Variants in NR4A1 observed in about 807,000 individuals in gnomAD.
NR4A1 encodes the protein nuclear receptor subfamily 4 group A member 1, also known as nuclear receptor subfamily 4immunitygroup A member 1.
A neutral mutation model predicts 47.5 loss-of-function variants in NR4A1; 24 were observed. That is an observed-to-expected ratio of 0.50 (90% confidence interval 0.37 to 0.71). The LOEUF is 0.71. Among genes scored for constraint, NR4A1 ranks in the 30% least tolerant of loss-of-function variants. The pLI is 0.00. For missense variants in NR4A1, 669 were observed against 788.6 expected (o/e 0.85, Z 1.82); for synonymous variants, 353 against 345.7 (o/e 1.02, Z -0.24).
chr12:52,036,969 G>C (rs974300661), intron 1 of NR4A1, among the ~76,000 whole-genome samples: 1 of 152,226 alleles, frequency 6.6e-6, no homozygotes, highest in Non-Finnish European at 1.5e-5. Context: ...CTCTGGCCGC[G>C]GGTTATGTAA....
intron 6 of NR4A1, 133 bp downstream of exon 6, chr12:52,057,663 C>A: frequency 1.0e-6 from 1 of 962,588 alleles, no homozygotes; most frequent in Non-Finnish European, 1.5e-6. Context: ...CTGCCCCGGG[C>A]TCATGCCAGC....
At chr12:52,055,256 C>A in intron 2 of NR4A1, 52 bp downstream of exon 2, 1 of 1,598,236 alleles carries the variant, frequency 6.3e-7, no homozygotes, top group African/African-American at 1.3e-5. Flanking sequence ...GAGAGGCTGG[C>A]CTCATCCCAT....
chr12:52,033,887 C>A (rs1471596726), intron 1 of NR4A1, among the ~76,000 whole-genome samples: 3 of 152,220 alleles, frequency 2.0e-5, no homozygotes, highest in Admixed American at 6.5e-5. Flanking sequence ...AGCAGGGGAG[C>A]CCCTTCTCTG....
At chr12:52,045,323 C>G (rs1333673720) in intron 2 of NR4A1, among the ~76,000 whole-genome samples, 2 of 152,198 alleles carry the variant, frequency 1.3e-5, no homozygotes, top group East Asian at 1.9e-4. Flanking sequence ...GTGGTTGTCC[C>G]GTTGCAGACA....
At position 52,056,640 on chromosome 12, in the gene NR4A1, T is replaced by C. The variant is rs766317748; in HGVS notation, c.1153T>C (p.Ser385Pro). Residue 385 changes from serine to proline, a missense_variant, in exon 4 of 7, where the codon TCC (serine) becomes CCC (proline). Coordinates refer to ENST00000394825, the MANE Select transcript of NR4A1 (RefSeq NM_173157.3). Reference sequence around the variant, plus strand: ...GCCCAGCACTGCCAAACTGGACTACTCCAAGGTGAGGTCCCACCCCGTGTC... The same window carrying C: ...GCCCAGCACTGCCAAACTGGACTACCCCAAGGTGAGGTCCCACCCCGTGTC... ...SGPSTAKLDY[S>P]KFQELVLPHF... 1 of 1,585,546 alleles carries C rather than the reference T, an allele frequency of 6.3e-7. No individual in the cohort carries two copies. The highest frequency in any genetic ancestry group is 1.2e-5 in the South Asian group (1 of 86,820).
chr12:52,030,709 G>A (rs1337258703), intron 1 of NR4A1, among the ~76,000 whole-genome samples: 3 of 152,082 alleles, frequency 2.0e-5, no homozygotes, highest in Admixed American at 6.5e-5. Flanking sequence ...GATTACAGGC[G>A]CGAGCCACCA....
intron 1 of NR4A1, among the ~76,000 whole-genome samples, chr12:52,036,326 TGGGCTTCCCA>T (rs1565640424): frequency 6.6e-6 from 1 of 151,696 alleles, no homozygotes; most frequent in Non-Finnish European, 1.5e-5. Flanking sequence ...CAGAGGAGGG[TGGGCTTCCCA>T]GGGCTTCCTG....
intron 1 of NR4A1, chr12:52,037,802 T>A: frequency 4.1e-6 from 4 of 985,374 alleles, no homozygotes; most frequent in Non-Finnish European, 3.6e-6. Flanking sequence ...TGCTGCGTGA[T>A]GCAACCCCTT....
intron 2 of NR4A1, chr12:52,055,715 T>G (rs761509350): frequency 2.2e-5 from 5 of 222,736 alleles, no homozygotes; most frequent in East Asian, 9.1e-5. Context: ...CTGTCTGCCC[T>G]AGGGAGAAGG....
upstream of NR4A1, among the ~76,000 whole-genome samples, chr12:52,050,493 G>T (rs978751485): frequency 6.6e-6 from 1 of 152,226 alleles, no homozygotes; most frequent in Admixed American, 6.5e-5. Flanking sequence ...AGGAAGAGTT[G>T]GCACAAGTTT....
At chr12:52,037,413 G>A in intron 1 of NR4A1, 1 of 986,002 alleles carries the variant, frequency 1.0e-6, no homozygotes, top group Non-Finnish European at 1.2e-6. Flanking sequence ...GAAAGCGGGG[G>A]TGGAGAGGCG....
In NR4A1 at chr12:52,058,847, C is replaced by T. The variant is rs750065117; in HGVS notation, c.1700C>T (p.Thr567Ile). 1.2e-6 allele frequency: 2 copies of T among 1,614,064 alleles called. No homozygotes were observed. The highest frequency in any genetic ancestry group is 2.2e-5 in the East Asian group (1 of 44,884). Residue 567 changes from threonine to isoleucine, a missense_variant, in exon 7 of 7, where the codon ACC becomes ATC. Physicochemically the swap from Thr to Ile is moderately conservative, Grantham distance 89. Transcript: ENST00000394825. ...GKLPELRTLC[T>I]QGLQRIFYLK... ...CTGCCCGAGCTGCGGACCCTGTGCA[C>T]CCAGGGCCTGCAGCGCATCTTCTAC...
At chr12:52,051,336 G>C (rs1318932037), upstream of NR4A1, 2 of 945,600 alleles carry the variant, frequency 2.1e-6, no homozygotes, top group Non-Finnish European at 2.5e-6. Flanking sequence ...ACCGCCCCCC[G>C]CGCCCTTGTA....
intron 1 of NR4A1, among the ~76,000 whole-genome samples, chr12:52,029,018 G>C (rs1938061656): frequency 1.3e-5 from 2 of 152,204 alleles, no homozygotes; most frequent in Non-Finnish European, 2.9e-5. Context: ...TAGTGGAATA[G>C]GCATAATAGG....
chr12:52,026,192 T>C (rs1333935346), intron 1 of NR4A1, among the ~76,000 whole-genome samples: 1 of 152,196 alleles, frequency 6.6e-6, no homozygotes, highest in Non-Finnish European at 1.5e-5. Flanking sequence ...CAGGAGTGCA[T>C]GGGAAATGTT....
At chr12:52,042,870 C>A (rs973036631) in intron 2 of NR4A1, among the ~76,000 whole-genome samples, 1 of 152,242 alleles carries the variant, frequency 6.6e-6, no homozygotes, top group African/African-American at 2.4e-5. Flanking sequence ...TCCCTTCCTC[C>A]TTCCCTGGAA....
intron 1 of NR4A1, 54 bp downstream of exon 1, chr12:52,051,622 G>A: frequency 1.0e-6 from 1 of 976,296 alleles, no homozygotes; most frequent in Non-Finnish European, 1.2e-6. Flanking sequence ...GCATGAAGGA[G>A]ATGGGTGTAC....
intron 1 of NR4A1, among the ~76,000 whole-genome samples, chr12:52,026,297 TA>T (rs969633974): frequency 4.6e-5 from 7 of 152,310 alleles, no homozygotes; most frequent in African/African-American, 1.7e-4. Context: ...ATAAGGTATT[TA>T]AAGGAAATTG....
chr12:52,029,982 C>G (rs915158258), intron 1 of NR4A1, among the ~76,000 whole-genome samples: 3 of 152,216 alleles, frequency 2.0e-5, no homozygotes, highest in African/African-American at 7.2e-5. Flanking sequence ...TGGCTGCTGG[C>G]CAGCAGCACA....
Sources: allele counts gnomAD v4.1 joint callset (sites outside exome capture counted in the v4.1 genomes callset), GRCh38; gene constraint gnomAD v4.1.1; transcripts MANE v1.5; gene names NCBI Gene and HGNC (gene_info 2026-07-23, HGNC 2026-07-21).